Variants in CDC42SE2 observed in about 807,000 individuals in gnomAD.
CDC42SE2 encodes the protein CDC42 small effector 2.
Under a neutral mutation model 11.5 loss-of-function variants are expected in CDC42SE2, and 3 were observed. That is an observed-to-expected ratio of 0.26 (90% CI 0.12 to 0.67). The LOEUF is 0.67. Ranked by LOEUF, CDC42SE2 falls within the 30% of genes least tolerant of loss-of-function variation. The probability of loss-of-function intolerance (pLI) is 0.80; values close to 1 mark genes in which losing one functional copy is unlikely to be tolerated. For synonymous variants in CDC42SE2, 33 were observed against 34.8 expected, an observed-to-expected ratio of 0.95 and a Z score of 0.18; for missense variants, 82 against 106.8, an observed-to-expected ratio of 0.77 and a Z score of 1.02.
chr5:131,272,969 A>G (rs1029480192), intron 1 of CDC42SE2, among the ~76,000 whole-genome samples: 1 of 152,068 alleles, frequency 6.6e-6, no homozygotes. Context: ...TGTTTCTGGC[A>G]TATTACTGCC....
At chr5:131,280,970 A>G (rs535725601) in intron 1 of CDC42SE2, among the ~76,000 whole-genome samples, 1 of 152,284 alleles carries the variant, frequency 6.6e-6, no homozygotes, top group Admixed American at 6.5e-5. Flanking sequence ...AATGTGAAAA[A>G]TCCTTGTGGA....
the CDC42SE2 span, among the ~76,000 whole-genome samples, chr5:131,211,710 AGTG>A: frequency 1.3e-5 from 2 of 152,214 alleles, no homozygotes. Context: ...TGCCTGGTGC[AGTG>A]GCTCATGCCT....
chr5:131,255,856 T>A (rs1350860780), intron 2 of CDC42SE2, among the ~76,000 whole-genome samples: 3 of 152,224 alleles, frequency 2.0e-5, no homozygotes, highest in Admixed American at 6.5e-5. Flanking sequence ...CATTGAGATT[T>A]TATATGAATT....
At chr5:131,323,369 A>G (rs1468274028) in intron 2 of CDC42SE2, among the ~76,000 whole-genome samples, 4 of 151,804 alleles carry the variant, frequency 2.6e-5, no homozygotes, top group Admixed American at 1.3e-4. Context: ...TATTTCTTCT[A>G]TATTTAAAAA....
At chr5:131,232,750 AAAAAAC>A in the CDC42SE2 span, among the ~76,000 whole-genome samples, 1 of 150,012 alleles carries the variant, frequency 6.7e-6, no homozygotes, top group African/African-American at 2.5e-5. Flanking sequence ...AAAAAAAAAA[AAAAAAC>A]AAAACAGAAA....
chr5:131,223,312 G>A, the CDC42SE2 span, among the ~76,000 whole-genome samples: 4 of 152,048 alleles, frequency 2.6e-5, no homozygotes, highest in African/African-American at 7.3e-5. Context: ...GTTTTCAGTC[G>A]TCTGGCCCTT....
intron 1 of CDC42SE2, among the ~76,000 whole-genome samples, chr5:131,276,517 T>G (rs1757105725): frequency 6.6e-6 from 1 of 152,062 alleles, no homozygotes; most frequent in Non-Finnish European, 1.5e-5. Context: ...ATTAAAGAGA[T>G]AATGTTTGTG....
At chr5:131,303,733 A>G (rs1757728207) in intron 1 of CDC42SE2, among the ~76,000 whole-genome samples, 2 of 152,240 alleles carry the variant, frequency 1.3e-5, no homozygotes, top group South Asian at 4.1e-4. Flanking sequence ...GGTAGAACAT[A>G]CAGCCTGTAC....
At chr5:131,319,593 G>T (rs550005394) in intron 2 of CDC42SE2, among the ~76,000 whole-genome samples, 1 of 152,072 alleles carries the variant, frequency 6.6e-6, no homozygotes, top group East Asian at 1.9e-4. Context: ...GGACCCAAAA[G>T]AATACTTAGA....
chr5:131,341,745 A>G (rs1048904287), intron 2 of CDC42SE2, among the ~76,000 whole-genome samples: 1 of 152,240 alleles, frequency 6.6e-6, no homozygotes, highest in African/African-American at 2.4e-5. Flanking sequence ...AAAAAAGCTT[A>G]GCAGTTATTC....
Position 131,363,695 on chromosome 5 carries a change from C to CTT in CDC42SE2, c.54+4165_54+4166dup, listed in dbSNP as rs34261669. On this transcript the variant is annotated intron_variant, in intron 3 of 4. Coordinates refer to ENST00000505065, the MANE Select transcript of CDC42SE2 (RefSeq NM_001375635.1). ...CCCGGCCTTTTTTTTTTCTCTTACT[C>CTT]TTTTTTTTTTTTTTTTTTGAGAAGG... is the stretch of plus-strand genomic sequence containing the variant. Among the ~76,000 whole-genome samples the CTT allele has an allele frequency of 6.6e-4, 77 of 117,344 alleles. 1 individual carries two copies. The highest frequency in any genetic ancestry group is 2.2e-3 in the African/African-American group (64 of 29,518). 77.0% of individuals were successfully genotyped at this position (117,344 alleles called of 152,430 possible). A position where few individuals can be genotyped will look rare whatever the true frequency, so the allele number is the denominator to read the frequency against.
At chr5:131,237,077 A>G in the CDC42SE2 span, among the ~76,000 whole-genome samples, 1 of 152,246 alleles carries the variant, frequency 6.6e-6, no homozygotes, top group South Asian at 2.1e-4. Flanking sequence ...GGGAGACAGC[A>G]GGGATCACCT....
intron 1 of CDC42SE2, among the ~76,000 whole-genome samples, chr5:131,292,422 G>T (rs1757476353): frequency 6.7e-6 from 1 of 149,826 alleles, no homozygotes. Context: ...ACAAAAATTA[G>T]CCTGGTATGG....
intron 3 of CDC42SE2, among the ~76,000 whole-genome samples, chr5:131,369,903 G>C (rs1480479677): frequency 6.6e-6 from 1 of 152,152 alleles, no homozygotes; most frequent in Non-Finnish European, 1.5e-5. Flanking sequence ...TTGTTTTTAT[G>C]TTTAATTTCA....
At position 131,336,466 on chromosome 5, in the gene CDC42SE2, G is replaced by A. The variant is rs1348173876; in HGVS notation, c.-286+20322G>A. Among the ~76,000 whole-genome samples, 7 of 152,116 alleles carry A rather than the reference G, an allele frequency of 4.6e-5. No individual in the cohort carries two copies. In the East Asian group the frequency reaches 1.4e-3, roughly 29 times the overall value. On this transcript the variant is annotated intron_variant, in intron 2 of 4. Transcript: ENST00000505065. ...TACGTGTCTTGGAGTTGCTCTTCTC[G>A]AGGAGTATCTTTGTGGTGTTCTCTG... is the stretch of plus-strand genomic sequence containing the variant.
the CDC42SE2 span, among the ~76,000 whole-genome samples, chr5:131,219,978 G>A: frequency 6.6e-6 from 1 of 152,084 alleles, no homozygotes; most frequent in South Asian, 2.1e-4. Flanking sequence ...CACAGCAACT[G>A]TAATATAGAT....
At chr5:131,354,945 A>C (rs1167046529) in intron 2 of CDC42SE2, among the ~76,000 whole-genome samples, 1 of 152,148 alleles carries the variant, frequency 6.6e-6, no homozygotes, top group Non-Finnish European at 1.5e-5. Context: ...AGCTGCGCCA[A>C]ATGTTGGGAC....
chr5:131,329,879 CAAAAAAAAAAAAAAAAAAAAAAAAAAA>C (rs747152132), intron 2 of CDC42SE2, among the ~76,000 whole-genome samples: 25 of 56,624 alleles, frequency 4.4e-4, no homozygotes, highest in South Asian at 2.2e-3. Context: ...AACTCCATCT[CAAAAAAAAAAAAAAAAAAAAAAAAAAA>C]AAAAAAAAAA....
intron 1 of CDC42SE2, among the ~76,000 whole-genome samples, chr5:131,254,425 C>T (rs1239208634): frequency 2.6e-5 from 4 of 151,836 alleles, no homozygotes; most frequent in African/African-American, 7.3e-5. Context: ...GCCTGTAATC[C>T]CAGCCACTCG....
Sources: gnomAD v4.1 joint callset for allele counts (sites outside exome capture counted in the v4.1 genomes callset) on GRCh38, gnomAD v4.1.1 for gene constraint, MANE v1.5 for transcripts, NCBI Gene and HGNC (gene_info 2026-07-23, HGNC 2026-07-21) for gene names.